CSMD2: variants seen among roughly 807,000 people sequenced by gnomAD.
CSMD2 encodes CUB and Sushi multiple domains 2, also known as CUB and sushi domain-containing protein 2.
Under a neutral mutation model 398.5 loss-of-function variants are expected in CSMD2, and 130 were observed. The ratio of observed to expected loss-of-function variants is 0.33; its 90% confidence interval spans 0.28 to 0.38. The LOEUF (loss-of-function observed/expected upper bound fraction) is 0.38, where lower values mean the gene tolerates loss of function less well. Among genes scored for constraint, CSMD2 ranks in the 10% least tolerant of loss-of-function variants. The pLI is 1.00. For synonymous variants in CSMD2, 1,828 were observed against 1,908.5 expected (o/e 0.96, Z 1.10); for missense variants, 3,829 against 4,764.9 (o/e 0.80, Z 5.78).
chr1:33,943,857 G>A (rs934164818), intron 3 of CSMD2, among the ~76,000 whole-genome samples: 17 of 150,880 alleles, frequency 1.1e-4, no homozygotes, highest in African/African-American at 3.4e-4. Flanking sequence ...AGTTGAAGCC[G>A]GAATGTGTTG....
At chr1:33,915,704 G>T (rs1307760400) in intron 5 of CSMD2, among the ~76,000 whole-genome samples, 1 of 152,172 alleles carries the variant, frequency 6.6e-6, no homozygotes, top group East Asian at 1.9e-4. Flanking sequence ...AACTGGCAAG[G>T]GTATTCGTCT....
Position 33,553,195 on chromosome 1 carries a change from C to A in CSMD2, c.8744-2845G>T, listed in dbSNP as rs528713934. Among the ~76,000 whole-genome samples the A allele has an allele frequency of 7.2e-5, 11 of 152,162 alleles. No individual in the cohort carries two copies. In the South Asian group the frequency reaches 2.1e-3, roughly 29 times the overall value. On this transcript the variant is annotated intron_variant, in intron 55 of 70. Transcript: ENST00000373381. ...TTTACAAATGAAAGGTTTTTGGTAA[C>A]CCTGTGTTGAGCAAGCCTAACAGCA...
At chr1:34,091,763 A>G (rs938158316) in intron 1 of CSMD2, among the ~76,000 whole-genome samples, 12 of 152,254 alleles carry the variant, frequency 7.9e-5, no homozygotes, top group Non-Finnish European at 5.9e-5. Flanking sequence ...ATATTTCCTT[A>G]CTATGATAAA....
intron 13 of CSMD2, among the ~76,000 whole-genome samples, chr1:33,761,667 T>C (rs781624482): frequency 1.3e-5 from 2 of 152,224 alleles, no homozygotes; most frequent in Non-Finnish European, 2.9e-5. Context: ...AGCTCCATCA[T>C]GCATTCTAAG....
chr1:34,001,563 C>T (rs774375389), intron 3 of CSMD2, among the ~76,000 whole-genome samples: 8 of 152,206 alleles, frequency 5.3e-5, no homozygotes, highest in South Asian at 2.1e-4. Flanking sequence ...AACAGGTGGA[C>T]ATTCACGAGC....
At chr1:33,576,450 G>T (rs1660082254) in intron 49 of CSMD2, among the ~76,000 whole-genome samples, 2 of 152,146 alleles carry the variant, frequency 1.3e-5, no homozygotes, top group South Asian at 4.1e-4. Context: ...AATTAGCCAG[G>T]CATGGTGGCG....
At chr1:33,593,571 G>A (rs954873859) in intron 44 of CSMD2, among the ~76,000 whole-genome samples, 1 of 152,196 alleles carries the variant, frequency 6.6e-6, no homozygotes, top group African/African-American at 2.4e-5. Flanking sequence ...TGACTATCAT[G>A]AGACTAGCAC....
chr1:33,832,790 C>T (rs1158758762), intron 6 of CSMD2, among the ~76,000 whole-genome samples: 1 of 151,520 alleles, frequency 6.6e-6, no homozygotes, highest in African/African-American at 2.4e-5. Context: ...AAGAATCAAA[C>T]AGACACAATA....
At chr1:34,055,392 C>T (rs968001525) in intron 2 of CSMD2, among the ~76,000 whole-genome samples, 1 of 152,038 alleles carries the variant, frequency 6.6e-6, no homozygotes, top group Non-Finnish European at 1.5e-5. Flanking sequence ...CATCAGGTCC[C>T]GTAGGTTGAG....
intron 25 of CSMD2, among the ~76,000 whole-genome samples, chr1:33,692,642 G>A (rs1645278870): frequency 6.6e-6 from 1 of 152,222 alleles, no homozygotes; most frequent in Non-Finnish European, 1.5e-5. Flanking sequence ...ACATGGAAGG[G>A]TTGGATTCAA....
chr1:33,888,917 G>A (rs887625140), intron 5 of CSMD2, among the ~76,000 whole-genome samples: 4 of 152,046 alleles, frequency 2.6e-5, no homozygotes, highest in African/African-American at 7.3e-5. Context: ...ATAGGCGCCC[G>A]CCACCACGCC....
chr1:33,770,097 T>C (rs910649732), intron 13 of CSMD2, among the ~76,000 whole-genome samples: 1 of 152,242 alleles, frequency 6.6e-6, no homozygotes, highest in Non-Finnish European at 1.5e-5. Flanking sequence ...TCTGTAATGA[T>C]CCACTTTCAA....
chr1:33,642,618 A>C (rs1235283909), intron 29 of CSMD2, among the ~76,000 whole-genome samples: 1 of 152,108 alleles, frequency 6.6e-6, no homozygotes, highest in Non-Finnish European at 1.5e-5. Context: ...GGGCTCTTGT[A>C]TTCTAAAAGT....
At chr1:33,966,388 G>A (rs991041113) in intron 3 of CSMD2, among the ~76,000 whole-genome samples, 1 of 152,192 alleles carries the variant, frequency 6.6e-6, no homozygotes, top group Non-Finnish European at 1.5e-5. Flanking sequence ...ATTATGCTGA[G>A]GCTTAAATGG....
At chr1:33,830,363 T>C (rs7528909) in intron 6 of CSMD2, among the ~76,000 whole-genome samples, 119,274 of 151,908 alleles carry the variant, frequency 0.79, 47,674 homozygotes, top group East Asian at 0.94. Flanking sequence ...GAAAATCTGC[T>C]GTTCTGCAGA....
At chr1:33,766,185 G>A (rs777837601) in intron 13 of CSMD2, among the ~76,000 whole-genome samples, 2 of 152,146 alleles carry the variant, frequency 1.3e-5, no homozygotes, top group South Asian at 2.1e-4. Flanking sequence ...GTGTGGGCGC[G>A]CGTGTGTGTG....
At chr1:33,552,861 T>C (rs1657592235) in intron 55 of CSMD2, among the ~76,000 whole-genome samples, 1 of 152,196 alleles carries the variant, frequency 6.6e-6, no homozygotes, top group Non-Finnish European at 1.5e-5. Context: ...ATGATACTTG[T>C]ACAACTTTGC....
chr1:33,984,187 A>G (rs573100806), intron 3 of CSMD2, among the ~76,000 whole-genome samples: 6 of 151,908 alleles, frequency 3.9e-5, no homozygotes, highest in South Asian at 2.1e-4. Flanking sequence ...CAAAATGGAC[A>G]TAGCTTGGGC....
intron 5 of CSMD2, chr1:33,864,061 C>T: frequency 3.6e-6 from 3 of 832,772 alleles, no homozygotes; most frequent in Admixed American, 2.4e-5. Flanking sequence ...AAGGCTGAGC[C>T]CTGACTACAG....
Sources: allele counts gnomAD v4.1 joint callset (sites outside exome capture counted in the v4.1 genomes callset), GRCh38; gene constraint gnomAD v4.1.1; transcripts MANE v1.5; gene names NCBI Gene and HGNC (gene_info 2026-07-23, HGNC 2026-07-21).